Variants in PIK3C2G observed in about 807,000 individuals in gnomAD.
PIK3C2G encodes phosphatidylinositol 3-kinase C2 domain-containing subunit gamma.
PIK3C2G carries 168 observed loss-of-function variants against 181.1 expected under a neutral mutation model. The ratio of observed to expected loss-of-function variants is 0.93; its 90% confidence interval spans 0.82 to 1.05. PIK3C2G has a LOEUF of 1.05. Ranked by LOEUF, PIK3C2G falls within the 50% of genes least tolerant of loss-of-function variation. The pLI is 0.00. For missense variants in PIK3C2G, 1,869 were observed against 1,732.8 expected, an observed-to-expected ratio of 1.08 and a Z score of -1.40; for synonymous variants, 573 against 592.2, an observed-to-expected ratio of 0.97 and a Z score of 0.47.
At chr12:18,611,741 C>A (rs897925312) in intron 31 of PIK3C2G, among the ~76,000 whole-genome samples, 2 of 152,050 alleles carry the variant, frequency 1.3e-5, no homozygotes, top group East Asian at 3.9e-4. Context: ...TCTCCTTCCC[C>A]ACAAGCTACA....
At position 18,491,796 on chromosome 12, in the gene PIK3C2G, GA is replaced by G. The variant is rs572953243; in HGVS notation, c.2793+251del. Among the ~76,000 whole-genome samples the G allele has an allele frequency of 8.9e-3, 1,236 of 139,248 alleles. 7 individuals carry two copies. Among genetic ancestry groups the G allele is most frequent in the Middle Eastern group, 0.018 (5 of 280 alleles). 91.4% of individuals were successfully genotyped at this position (139,248 alleles called of 152,430 possible). Reference sequence around the variant, plus strand: ...GAAACAAACTATCCATCAGTTCAGTGAAAAAAAAAAAAATAGAGGAACATAG... The same window carrying G: ...GAAACAAACTATCCATCAGTTCAGTGAAAAAAAAAAAATAGAGGAACATAG... On this transcript the variant is annotated intron_variant, in intron 20 of 32. Transcript: ENST00000538779.
intron 22 of PIK3C2G, among the ~76,000 whole-genome samples, chr12:18,502,527 C>T (rs1941562545): frequency 6.6e-6 from 1 of 152,118 alleles, no homozygotes; most frequent in African/African-American, 2.4e-5. Flanking sequence ...TAGACATTAT[C>T]CCTGAGAGAG....
chr12:18,337,543 T>C (rs929034341), intron 8 of PIK3C2G, among the ~76,000 whole-genome samples: 2 of 152,124 alleles, frequency 1.3e-5, no homozygotes, highest in African/African-American at 4.8e-5. Context: ...AGCATCTGCT[T>C]CTGGTGAGGG....
At chr12:18,369,468 C>T (rs1259030001) in intron 12 of PIK3C2G, among the ~76,000 whole-genome samples, 1 of 149,186 alleles carries the variant, frequency 6.7e-6, no homozygotes, top group Non-Finnish European at 1.5e-5. Context: ...GACATATGAT[C>T]ATATAACGAT....
intron 1 of PIK3C2G, among the ~76,000 whole-genome samples, chr12:18,248,299 G>A (rs1948061224): frequency 6.6e-6 from 1 of 152,154 alleles, no homozygotes; most frequent in South Asian, 2.1e-4. Context: ...CCGGGCGGGC[G>A]CGGTGGCTCA....
intron 31 of PIK3C2G, among the ~76,000 whole-genome samples, chr12:18,615,345 G>GTT (rs1156349860): frequency 8.8e-6 from 1 of 113,264 alleles, no homozygotes; most frequent in African/African-American, 2.9e-5. Context: ...GTGTGTGTGT[G>GTT]TGTGTGTGTG....
chr12:18,463,298 C>T (rs1307174375), intron 18 of PIK3C2G, among the ~76,000 whole-genome samples: 1 of 152,138 alleles, frequency 6.6e-6, no homozygotes, highest in Non-Finnish European at 1.5e-5. Flanking sequence ...AGTAACATAT[C>T]TAATGGAAAT....
At chr12:18,618,422 T>G (rs569680504) in intron 31 of PIK3C2G, among the ~76,000 whole-genome samples, 1 of 152,330 alleles carries the variant, frequency 6.6e-6, no homozygotes, top group African/African-American at 2.4e-5. Flanking sequence ...AACTGAGATT[T>G]GAACACCTAA....
At chr12:18,708,937 T>G in the PIK3C2G span, among the ~76,000 whole-genome samples, 1 of 152,034 alleles carries the variant, frequency 6.6e-6, no homozygotes, top group African/African-American at 2.4e-5. Context: ...GGTTTGCAAA[T>G]ATTTTTTCCC....
chr12:18,305,322 A>G (rs546940817), intron 5 of PIK3C2G, among the ~76,000 whole-genome samples: 43 of 141,714 alleles, frequency 3.0e-4, no homozygotes, highest in African/African-American at 1.1e-3. Context: ...AAATGACAGC[A>G]TATTTCAGCC....
intron 4 of PIK3C2G, 43 bp from the exon 5 acceptor site, chr12:18,293,858 T>C (rs763392735): frequency 1.3e-5 from 12 of 946,138 alleles, no homozygotes; most frequent in East Asian, 4.8e-5. Flanking sequence ...AGTCAGTATA[T>C]GATACACTTT....
chr12:18,435,636 C>T (rs1946402560), intron 18 of PIK3C2G, among the ~76,000 whole-genome samples: 1 of 152,050 alleles, frequency 6.6e-6, no homozygotes, highest in Non-Finnish European at 1.5e-5. Flanking sequence ...GCCTATCTCC[C>T]ACCTCATCTT....
intron 12 of PIK3C2G, 69 bp from the exon 13 acceptor site, chr12:18,371,111 A>G: frequency 7.7e-7 from 1 of 1,305,174 alleles, no homozygotes. Context: ...CCAGTACATT[A>G]TAAGAACATT....
the PIK3C2G span, among the ~76,000 whole-genome samples, chr12:18,717,987 C>A: frequency 6.6e-6 from 1 of 152,134 alleles, no homozygotes; most frequent in Non-Finnish European, 1.5e-5. Flanking sequence ...AGATCCCACT[C>A]AGCCACATGA....
chr12:18,321,861 T>G (rs1293674489), intron 7 of PIK3C2G, among the ~76,000 whole-genome samples: 1 of 152,072 alleles, frequency 6.6e-6, no homozygotes, highest in African/African-American at 2.4e-5. Context: ...ATACCACACA[T>G]TCTCACTTAT....
At chr12:18,375,935 C>T (rs1942406300) in intron 13 of PIK3C2G, among the ~76,000 whole-genome samples, 1 of 152,224 alleles carries the variant, frequency 6.6e-6, no homozygotes, top group South Asian at 2.1e-4. Flanking sequence ...AGCCTGCAAG[C>T]ACACAGAGTG....
At chr12:18,716,333 T>G in the PIK3C2G span, among the ~76,000 whole-genome samples, 10 of 152,280 alleles carry the variant, frequency 6.6e-5, no homozygotes, top group South Asian at 1.7e-3. Flanking sequence ...TAGATAGTTT[T>G]AATTTTATCC....
chr12:18,267,899 A>G (rs1016332829), intron 1 of PIK3C2G, among the ~76,000 whole-genome samples: 1 of 152,230 alleles, frequency 6.6e-6, no homozygotes, highest in Non-Finnish European at 1.5e-5. Flanking sequence ...CACAGTCACC[A>G]TAGATGCGAC....
intron 26 of PIK3C2G, among the ~76,000 whole-genome samples, chr12:18,547,774 A>T (rs1229144650): frequency 6.6e-6 from 1 of 151,978 alleles, no homozygotes; most frequent in African/African-American, 2.4e-5. Flanking sequence ...TGACCTCTGA[A>T]AGAAGCATTT....
Sources: allele counts gnomAD v4.1 joint callset (sites outside exome capture counted in the v4.1 genomes callset), GRCh38; gene constraint gnomAD v4.1.1; transcripts MANE v1.5; gene names NCBI Gene and HGNC (gene_info 2026-07-23, HGNC 2026-07-21).